Variants in TAFA2 observed in about 807,000 individuals in gnomAD.
TAFA2 encodes the protein chemokine-like protein TAFA-2.
A neutral mutation model predicts 18.8 loss-of-function variants in TAFA2; 7 were observed. The observed-to-expected ratio is 0.37, with a 90% CI of 0.21 to 0.70. The LOEUF is 0.70. Ranked by LOEUF, TAFA2 falls within the 30% of genes least tolerant of loss-of-function variation. The pLI, the probability that TAFA2 is intolerant of heterozygous loss-of-function variation, is 0.53. For missense variants in TAFA2, 122 were observed against 158.1 expected (o/e 0.77, Z 1.23); for synonymous variants, 60 against 54.2 (o/e 1.11, Z -0.47).
intron 1 of TAFA2, among the ~76,000 whole-genome samples, chr12:62,245,051 A>T (rs1045366094): frequency 2.0e-5 from 3 of 152,046 alleles, no homozygotes; most frequent in Admixed American, 1.3e-4. Context: ...CTCTTACTTT[A>T]AGGTTGATAT....
intron 2 of TAFA2, among the ~76,000 whole-genome samples, chr12:61,848,431 T>C (rs1873495669): frequency 6.6e-6 from 1 of 152,188 alleles, no homozygotes; most frequent in East Asian, 1.9e-4. Flanking sequence ...CTCCTAAAAG[T>C]CTTAATTGTA....
chr12:61,737,014 A>G (rs1868315577), intron 4 of TAFA2, among the ~76,000 whole-genome samples: 1 of 152,014 alleles, frequency 6.6e-6, no homozygotes, highest in Admixed American at 6.6e-5. Context: ...GTAATGTGAA[A>G]GACTGACTAT....
chr12:61,905,878 C>A (rs1043638504), intron 1 of TAFA2, among the ~76,000 whole-genome samples: 1 of 152,212 alleles, frequency 6.6e-6, no homozygotes, highest in African/African-American at 2.4e-5. Flanking sequence ...CAGACACACT[C>A]ACACACAGGC....
At chr12:61,994,563 C>A (rs1880119184) in intron 1 of TAFA2, among the ~76,000 whole-genome samples, 1 of 151,962 alleles carries the variant, frequency 6.6e-6, no homozygotes, top group Non-Finnish European at 1.5e-5. Context: ...AAATAAAATA[C>A]CTCCATTTTT....
intron 1 of TAFA2, among the ~76,000 whole-genome samples, chr12:61,897,619 T>C (rs1330184996): frequency 1.3e-5 from 2 of 152,050 alleles, no homozygotes; most frequent in East Asian, 3.9e-4. Context: ...TCACTCACTA[T>C]CACAAGAACA....
chr12:61,807,460 G>A (rs1462688702), intron 2 of TAFA2, among the ~76,000 whole-genome samples: 1 of 151,392 alleles, frequency 6.6e-6, no homozygotes, highest in East Asian at 1.9e-4. Context: ...ACCTCTGCTA[G>A]GGCAGTGTGG....
At chr12:62,208,673 G>A (rs755908376) in intron 1 of TAFA2, among the ~76,000 whole-genome samples, 9 of 152,164 alleles carry the variant, frequency 5.9e-5, no homozygotes, top group Non-Finnish European at 1.2e-4. Flanking sequence ...CAGAAGTACC[G>A]ATTAGAGGAT....
intron 1 of TAFA2, among the ~76,000 whole-genome samples, chr12:62,203,893 A>C (rs11174368): frequency 0.15 from 22,432 of 152,046 alleles, 2,205 homozygotes; most frequent in East Asian, 0.34. Flanking sequence ...CTAGCTGGCT[A>C]TTTTGCAGAC....
At chr12:62,170,730 A>C (rs1184564464) in intron 1 of TAFA2, among the ~76,000 whole-genome samples, 3 of 152,176 alleles carry the variant, frequency 2.0e-5, no homozygotes, top group Non-Finnish European at 4.4e-5. Flanking sequence ...AATAATGTAC[A>C]TTGCACCCAT....
intron 1 of TAFA2, among the ~76,000 whole-genome samples, chr12:62,007,481 A>C (rs1002065277): frequency 2.6e-5 from 4 of 152,220 alleles, no homozygotes; most frequent in African/African-American, 9.6e-5. Context: ...AAGAGAACCT[A>C]GTTCATAGTA....
chr12:61,872,240 A>G (rs1874643208), intron 1 of TAFA2, among the ~76,000 whole-genome samples: 1 of 152,172 alleles, frequency 6.6e-6, no homozygotes, highest in Non-Finnish European at 1.5e-5. Flanking sequence ...GAGGCTTAGA[A>G]TCCAACCACC....
intron 1 of TAFA2, among the ~76,000 whole-genome samples, chr12:62,044,294 T>A (rs1263849869): frequency 6.6e-6 from 1 of 152,164 alleles, no homozygotes; most frequent in Non-Finnish European, 1.5e-5. Flanking sequence ...CTGAGTGTTT[T>A]AACATTTGAA....
At chr12:61,819,571 C>T (rs1335716337) in intron 2 of TAFA2, among the ~76,000 whole-genome samples, 1 of 152,006 alleles carries the variant, frequency 6.6e-6, no homozygotes, top group Non-Finnish European at 1.5e-5. Context: ...ATTATCATTC[C>T]CTATTTATCA....
intron 1 of TAFA2, among the ~76,000 whole-genome samples, chr12:61,901,692 A>T (rs1876107275): frequency 6.6e-6 from 1 of 152,144 alleles, no homozygotes; most frequent in Non-Finnish European, 1.5e-5. Flanking sequence ...GTACTATAGG[A>T]GTTGAATTGA....
intron 1 of TAFA2, among the ~76,000 whole-genome samples, chr12:62,100,805 G>A (rs1177388582): frequency 6.6e-6 from 1 of 152,166 alleles, no homozygotes; most frequent in Non-Finnish European, 1.5e-5. Context: ...GGACTACTAG[G>A]TGAGTGGTAC....
intron 1 of TAFA2, among the ~76,000 whole-genome samples, chr12:62,114,163 C>T: frequency 6.6e-6 from 1 of 152,170 alleles, no homozygotes. Flanking sequence ...TTGTGAAGAC[C>T]ATGGGAAAAG....
intron 1 of TAFA2, among the ~76,000 whole-genome samples, chr12:62,225,612 T>C (rs1031868753): frequency 6.6e-6 from 1 of 151,978 alleles, no homozygotes. Flanking sequence ...TTTCCTTATA[T>C]AGTAAAGATT....
intron 1 of TAFA2, chr12:61,880,564 G>A (rs1322852321): frequency 1.2e-5 from 6 of 481,800 alleles, no homozygotes; most frequent in South Asian, 3.1e-5. Context: ...TCTACTCAAA[G>A]ACCACCAGTG....
intron 1 of TAFA2, among the ~76,000 whole-genome samples, chr12:61,955,741 TGC>T (rs1878675199): frequency 6.9e-6 from 1 of 144,192 alleles, no homozygotes; most frequent in Non-Finnish European, 1.5e-5. Flanking sequence ...TTAAAAAAAT[TGC>T]AAAACTAGAA....
Sources: allele counts gnomAD v4.1 joint callset (sites outside exome capture counted in the v4.1 genomes callset), GRCh38; gene constraint gnomAD v4.1.1; transcripts MANE v1.5; gene names NCBI Gene and HGNC (gene_info 2026-07-23, HGNC 2026-07-21).